The following CDC42SE2 variants were observed in gnomAD, a reference collection of about 807,000 sequenced individuals.
The protein encoded by CDC42SE2 is CDC42 small effector protein 2.
A neutral mutation model predicts 11.5 loss-of-function variants in CDC42SE2; 3 were observed. The ratio of observed to expected loss-of-function variants is 0.26; its 90% CI spans 0.12 to 0.67. The LOEUF (loss-of-function observed/expected upper bound fraction) is 0.67. Among genes scored for constraint, CDC42SE2 ranks in the 30% least tolerant of loss-of-function variants. The pLI is 0.80. For missense variants in CDC42SE2, 82 were observed against 106.8 expected (o/e 0.77, Z 1.02); for synonymous variants, 33 against 34.8 (o/e 0.95, Z 0.18).
intron 2 of CDC42SE2, among the ~76,000 whole-genome samples, chr5:131,332,010 A>G (rs1210505610): frequency 6.6e-6 from 1 of 152,132 alleles, no homozygotes; most frequent in Non-Finnish European, 1.5e-5. Context: ...GTACATGTGC[A>G]CAACGTGCAA....
intron 1 of CDC42SE2, among the ~76,000 whole-genome samples, chr5:131,280,406 T>C (rs1757214746): frequency 6.6e-6 from 1 of 152,212 alleles, no homozygotes; most frequent in Non-Finnish European, 1.5e-5. Context: ...GACTCTGACA[T>C]TTCACTTTAA....
In CDC42SE2 at chr5:131,296,135, A is replaced by G. The variant is rs1757567939; in HGVS notation, c.-454-19841A>G. Among the ~76,000 whole-genome samples the G allele has an allele frequency of 2.0e-5, 3 of 152,222 alleles. No homozygotes were observed. In the South Asian group the frequency reaches 6.2e-4, roughly 31 times the overall value. On this transcript the variant is annotated intron_variant, in intron 1 of 4. Transcript: ENST00000505065. ...GGTGGCCTAGATAACTGTCTAGCCT[A>G]GATACTGAATAAGTGGGATATTTAA...
upstream of CDC42SE2, among the ~76,000 whole-genome samples, chr5:131,243,305 C>T (rs553726106): frequency 2.0e-5 from 3 of 152,142 alleles, no homozygotes; most frequent in African/African-American, 2.4e-5. Context: ...TTTGGCCGGG[C>T]GCGGTGGCTC....
chr5:131,317,502 C>T (rs1273986052), intron 2 of CDC42SE2, among the ~76,000 whole-genome samples: 1 of 151,710 alleles, frequency 6.6e-6, no homozygotes, highest in Non-Finnish European at 1.5e-5. Flanking sequence ...CCACTCTGTT[C>T]TTAGGACTGT....
At chr5:131,307,065 A>T (rs11955964) in intron 1 of CDC42SE2, among the ~76,000 whole-genome samples, 2,621 of 150,704 alleles carry the variant, frequency 0.017, 74 homozygotes, top group African/African-American at 0.06. Flanking sequence ...TTTTTTTTTA[A>T]TTTTTTTATT....
chr5:131,377,120 T>A (rs748661016), intron 3 of CDC42SE2, among the ~76,000 whole-genome samples: 2 of 152,064 alleles, frequency 1.3e-5, no homozygotes, highest in Non-Finnish European at 2.9e-5. Context: ...AGTATATAAG[T>A]GTTCCCTTTT....
At chr5:131,316,676 G>A (rs1404485081) in intron 2 of CDC42SE2, among the ~76,000 whole-genome samples, 1 of 152,194 alleles carries the variant, frequency 6.6e-6, no homozygotes, top group African/African-American at 2.4e-5. Flanking sequence ...GTGATGTGTG[G>A]AAGTGCTGGA....
the CDC42SE2 span, among the ~76,000 whole-genome samples, chr5:131,220,398 G>A: frequency 1.3e-5 from 2 of 152,002 alleles, no homozygotes; most frequent in African/African-American, 4.8e-5. Context: ...GTAGAGAAGG[G>A]GTTTCACCGT....
chr5:131,289,093 G>T (rs1343775777), intron 1 of CDC42SE2, among the ~76,000 whole-genome samples: 1 of 152,042 alleles, frequency 6.6e-6, no homozygotes, highest in Non-Finnish European at 1.5e-5. Flanking sequence ...AAGTTTAAAA[G>T]GTTGCAAAAG....
At chr5:131,284,894 G>A (rs1245923033) in intron 1 of CDC42SE2, among the ~76,000 whole-genome samples, 8 of 151,940 alleles carry the variant, frequency 5.3e-5, no homozygotes, top group Admixed American at 3.3e-4. Flanking sequence ...GGTGGTGTGC[G>A]CTTTAGTCCC....
intron 2 of CDC42SE2, among the ~76,000 whole-genome samples, chr5:131,358,228 A>G (rs1036151157): frequency 2.0e-5 from 3 of 152,138 alleles, no homozygotes; most frequent in African/African-American, 7.2e-5. Context: ...TAACTTGACT[A>G]TTGTAGTAGT....
intron 2 of CDC42SE2, among the ~76,000 whole-genome samples, chr5:131,332,916 G>A (rs1172624577): frequency 6.6e-6 from 1 of 152,094 alleles, no homozygotes; most frequent in Non-Finnish European, 1.5e-5. Flanking sequence ...CATTCTGTAG[G>A]TTGCCTGTTC....
upstream of CDC42SE2, among the ~76,000 whole-genome samples, chr5:131,244,245 A>G (rs1181503377): frequency 6.6e-6 from 1 of 152,260 alleles, no homozygotes; most frequent in Non-Finnish European, 1.5e-5. Flanking sequence ...AATTATAATC[A>G]TAGTGGGTGA....
intron 1 of CDC42SE2, among the ~76,000 whole-genome samples, chr5:131,286,097 C>T (rs1757334509): frequency 6.7e-6 from 1 of 149,028 alleles, no homozygotes; most frequent in Admixed American, 6.7e-5. Context: ...CTGTGTCACC[C>T]ATGCTGGAGT....
intron 2 of CDC42SE2, among the ~76,000 whole-genome samples, chr5:131,335,694 G>C (rs1758541416): frequency 6.6e-6 from 1 of 152,194 alleles, no homozygotes; most frequent in Admixed American, 6.5e-5. Context: ...AGCTCTTCTT[G>C]TTGAATTGAT....
chr5:131,257,877 A>G (rs1756690954), intron 2 of CDC42SE2, among the ~76,000 whole-genome samples: 1 of 152,192 alleles, frequency 6.6e-6, no homozygotes, highest in African/African-American at 2.4e-5. Flanking sequence ...TGAACCAAAG[A>G]GATGGGAGAC....
chr5:131,251,091 A>G (rs1756635388), intron 1 of CDC42SE2, among the ~76,000 whole-genome samples: 1 of 152,224 alleles, frequency 6.6e-6, no homozygotes, highest in South Asian at 2.1e-4. Context: ...GAATATATAG[A>G]TACAATAAAA....
At chr5:131,228,369 G>A in the CDC42SE2 span, among the ~76,000 whole-genome samples, 1 of 152,090 alleles carries the variant, frequency 6.6e-6, no homozygotes, top group African/African-American at 2.4e-5. Context: ...CTTGTCTCAA[G>A]AAAGAAAGAG....
intron 2 of CDC42SE2, among the ~76,000 whole-genome samples, chr5:131,347,415 A>C (rs10050573): frequency 0.07 from 10,691 of 152,056 alleles, 1,014 homozygotes; most frequent in African/African-American, 0.22. Flanking sequence ...TGGATAAATT[A>C]CTCGACACAT....
Sources: gnomAD v4.1 joint callset for allele counts (sites outside exome capture counted in the v4.1 genomes callset) on GRCh38, gnomAD v4.1.1 for gene constraint, MANE v1.5 for transcripts, NCBI Gene and HGNC (gene_info 2026-07-23, HGNC 2026-07-21) for gene names.